The following ZC3H12B variants were observed in gnomAD, a reference collection of about 807,000 sequenced individuals.
ZC3H12B encodes probable ribonuclease ZC3H12B.
A neutral mutation model predicts 43.9 loss-of-function variants in ZC3H12B; 7 were observed. The observed-to-expected ratio is 0.16, with a 90% CI of 0.09 to 0.30. The LOEUF (loss-of-function observed/expected upper bound fraction) is 0.30. Among genes scored for constraint, ZC3H12B ranks in the 10% least tolerant of loss-of-function variants. The pLI is 1.00. For synonymous variants in ZC3H12B, 222 were observed against 241.7 expected, an observed-to-expected ratio of 0.92 and a Z score of 0.76; for missense variants, 475 against 670.2, an observed-to-expected ratio of 0.71 and a Z score of 3.22.
chrX:65,252,921 T>G, the ZC3H12B span, among the ~76,000 whole-genome samples: 1 of 112,186 alleles, frequency 8.9e-6, no homozygotes. Flanking sequence ...TTATTTGCTT[T>G]GCCTTTAAAT....
At chrX:65,360,481 C>T in the ZC3H12B span, among the ~76,000 whole-genome samples, 10 of 111,893 alleles carry the variant, frequency 8.9e-5, no homozygotes, top group Non-Finnish European at 1.9e-4. Context: ...TGGGGGAATG[C>T]AAATTAAAAC....
At chrX:65,328,648 T>C in the ZC3H12B span, 8 of 121,348 alleles carry the variant, frequency 6.6e-5, no homozygotes, top group African/African-American at 2.1e-4. Context: ...GCTGCACCCA[T>C]TAACTCCTCA....
the ZC3H12B span, among the ~76,000 whole-genome samples, chrX:65,226,709 A>C: frequency 9.0e-6 from 1 of 111,369 alleles, no homozygotes; most frequent in African/African-American, 3.3e-5. Context: ...AATGGAAAAC[A>C]AAAAAAGGCA....
At chrX:65,095,567 G>C in the ZC3H12B span, among the ~76,000 whole-genome samples, 2 of 111,504 alleles carry the variant, frequency 1.8e-5, no homozygotes, top group Non-Finnish European at 3.8e-5. Context: ...AAAGAACTCT[G>C]CTTGGTTCTT....
At chrX:65,421,308 G>T (rs923504469) in intron 3 of ZC3H12B, among the ~76,000 whole-genome samples, 1 of 112,292 alleles carries the variant, frequency 8.9e-6, no homozygotes, top group Non-Finnish European at 1.9e-5. Flanking sequence ...GATGGTAGGA[G>T]TAGAGGTTAT....
At chrX:65,056,513 T>A in the ZC3H12B span, among the ~76,000 whole-genome samples, 1 of 111,874 alleles carries the variant, frequency 8.9e-6, no homozygotes, top group African/African-American at 3.2e-5. Flanking sequence ...CTTCCAACTA[T>A]GTGGTCAATT....
the ZC3H12B span, among the ~76,000 whole-genome samples, chrX:65,171,581 A>T: frequency 1.9e-4 from 21 of 111,188 alleles, no homozygotes; most frequent in African/African-American, 6.5e-4. Flanking sequence ...TCAGGCAGGG[A>T]CGTTTAAGTC....
At chrX:65,457,880 G>A (rs1490693451) in intron 3 of ZC3H12B, among the ~76,000 whole-genome samples, 2 of 63,531 alleles carry the variant, frequency 3.1e-5, no homozygotes, top group Non-Finnish European at 5.4e-5. Flanking sequence ...TGCTCGTTAA[G>A]AGTCATCACC....
At chrX:65,189,513 A>T in the ZC3H12B span, among the ~76,000 whole-genome samples, 1 of 108,880 alleles carries the variant, frequency 9.2e-6, no homozygotes, top group Non-Finnish European at 1.9e-5. Flanking sequence ...ATGGTATCTC[A>T]TAGTGGTTTT....
At chrX:65,502,648 C>T (rs1339273411) in exon 5 of ZC3H12B, 2 of 1,209,254 alleles carry the variant, frequency 1.7e-6, no homozygotes, top group Non-Finnish European at 2.2e-6. Flanking sequence ...CTAAGCAAGG[C>T]CCCCACAAAC....
At chrX:65,203,772 G>A in the ZC3H12B span, among the ~76,000 whole-genome samples, 3 of 111,617 alleles carry the variant, frequency 2.7e-5, no homozygotes, top group Non-Finnish European at 3.8e-5. Flanking sequence ...CTGCAAGTGC[G>A]CTGGCACTAA....
chrX:65,407,483 C>T (rs2066845583), intron 3 of ZC3H12B, among the ~76,000 whole-genome samples: 2 of 112,880 alleles, frequency 1.8e-5, no homozygotes, highest in Admixed American at 1.8e-4. Flanking sequence ...CTTTTGCGTC[C>T]CGGGACCCTG....
chrX:65,196,917 C>T, the ZC3H12B span, among the ~76,000 whole-genome samples: 3 of 112,010 alleles, frequency 2.7e-5, no homozygotes, highest in Admixed American at 9.5e-5. Flanking sequence ...AAAAGGATAG[C>T]TCTTAGCCTG....
At chrX:65,211,086 A>T in the ZC3H12B span, among the ~76,000 whole-genome samples, 1 of 82,141 alleles carries the variant, frequency 1.2e-5, no homozygotes, top group Non-Finnish European at 2.0e-5. Flanking sequence ...AAAAAAAAGA[A>T]AGAAAAAAAA....
At chrX:65,380,425 C>T (rs1187935276) in intron 2 of ZC3H12B, among the ~76,000 whole-genome samples, 1 of 111,182 alleles carries the variant, frequency 9.0e-6, no homozygotes, top group African/African-American at 3.3e-5. Context: ...GTTCTCACCA[C>T]CAGGCCCGCC....
At chrX:65,336,563 T>C in the ZC3H12B span, among the ~76,000 whole-genome samples, 12,062 of 112,105 alleles carry the variant, frequency 0.11, 1,551 homozygotes, top group African/African-American at 0.36. Flanking sequence ...CTGTCATCTT[T>C]AATTTATTCG....
At chrX:65,481,076 G>T (rs1361836764) in intron 3 of ZC3H12B, among the ~76,000 whole-genome samples, 1 of 110,341 alleles carries the variant, frequency 9.1e-6, no homozygotes, top group African/African-American at 3.3e-5. Context: ...AGAGAACACT[G>T]AGTGTGGAGA....
At chrX:65,148,263 G>A in the ZC3H12B span, among the ~76,000 whole-genome samples, 2 of 108,695 alleles carry the variant, frequency 1.8e-5, no homozygotes, top group East Asian at 3.0e-4. Context: ...AATCTTGGAC[G>A]GGCCTGGAGC....
chrX:65,039,341 A>C, the ZC3H12B span, among the ~76,000 whole-genome samples: 1 of 111,986 alleles, frequency 8.9e-6, no homozygotes, highest in South Asian at 3.7e-4. Flanking sequence ...TACTGTAATA[A>C]GTTTTTTGTA....
Sources: gnomAD v4.1 joint callset for allele counts (sites outside exome capture counted in the v4.1 genomes callset) on GRCh38, gnomAD v4.1.1 for gene constraint, MANE v1.5 for transcripts, NCBI Gene and HGNC (gene_info 2026-07-23, HGNC 2026-07-21) for gene names.